Variants in TBC1D8B observed in about 807,000 individuals in gnomAD.
The protein encoded by TBC1D8B is RP11-321G1.1.
A neutral mutation model predicts 82.9 loss-of-function variants in TBC1D8B; 75 were observed. The ratio of observed to expected loss-of-function variants is 0.90; its 90% CI spans 0.75 to 1.10. The LOEUF is 1.10. TBC1D8B is among the 50% of genes least tolerant of loss of function. The probability of loss-of-function intolerance (pLI) is 0.00; values close to 1 mark genes in which losing one functional copy is unlikely to be tolerated. For synonymous variants in TBC1D8B, 276 were observed against 276.8 expected (o/e 1.00, Z 0.03); for missense variants, 794 against 796.9 (o/e 1.00, Z 0.04).
In TBC1D8B at chrX:106,822,305, G is replaced by T; in HGVS notation, c.586+103G>T. On this transcript the variant is annotated intron_variant, in intron 4 of 20. Transcript: ENST00000357242. ...TAAAATAATAGGATTGATATTAAAG[G>T]TAATTAAACTGTACAATAAAAAGTT... The T allele has an allele frequency of 4.6e-6, 3 of 645,808 alleles. 1 individual carries two copies. The allele number at this position is 645,808 out of a possible 1,213,427, so 53.2% of individuals were successfully genotyped here.
rs138429712 is a variant in TBC1D8B at position 106,802,916 on chromosome X, G to A, written c.63G>A (p.Arg21=). The change falls in exon 1 of 21, where the codon AGG becomes AGA. Residue 21 remains arginine (R), a synonymous_variant. Coordinates refer to ENST00000357242, the MANE Select transcript of TBC1D8B (RefSeq NM_017752.3). ...CGCTGAAGCTGTGGCTGATGGAAAG[G>A]TCCAACGACTACTTCGTGCTGCAGC... ...KNALKLWLME[R]SNDYFVLQRR... 1.7e-6 allele frequency: 2 copies of A among 1,211,536 alleles called. No individual in the cohort carries two copies. The highest frequency in any genetic ancestry group is 5.9e-5 in the East Asian group (2 of 33,819).
chrX:106,873,689 T>G lies in TBC1D8B; in HGVS notation c.3087T>G (p.Val1029=), dbSNP rs764924990. The G allele has an allele frequency of 2.5e-6, 3 of 1,210,057 alleles. No homozygotes were observed. Among genetic ancestry groups the G allele is most frequent in the Admixed American group, 2.2e-5 (1 of 45,769 alleles). ...VTSLLLRMEE[V]GRKLHSPTSS... Reference sequence around the variant, plus strand: ...GCCTTTTACTCAGGATGGAAGAAGTTGGAAGGAAACTACATAGCCCTACAT... The same window carrying G: ...GCCTTTTACTCAGGATGGAAGAAGTGGGAAGGAAACTACATAGCCCTACAT... Residue 1029 remains valine, a synonymous_variant, in exon 21 of 21, where the codon GTT becomes GTG. Coordinates refer to ENST00000357242, the MANE Select transcript of TBC1D8B (RefSeq NM_017752.3).
intron 18 of TBC1D8B, 40 bp from the exon 19 acceptor site, chrX:106,869,445 T>G: frequency 1.8e-6 from 2 of 1,141,156 alleles, no homozygotes. Flanking sequence ...AGAGTATTTG[T>G]TAAACATCTT....
intron 1 of TBC1D8B, among the ~76,000 whole-genome samples, chrX:106,812,111 A>T (rs1602404815): frequency 9.0e-6 from 1 of 111,578 alleles, no homozygotes; most frequent in African/African-American, 3.3e-5. Context: ...CTCTTAATAT[A>T]AAGTTGGCAG....
At chrX:106,828,081 A>G (rs1406064773) in intron 7 of TBC1D8B, 1 of 111,763 alleles carries the variant, frequency 8.9e-6, no homozygotes, top group Non-Finnish European at 1.9e-5. Context: ...AGAATCAAAT[A>G]CACGCAATAA....
At chrX:106,841,273 C>A (rs1228895565) in intron 10 of TBC1D8B, among the ~76,000 whole-genome samples, 2 of 111,245 alleles carry the variant, frequency 1.8e-5, no homozygotes, top group Admixed American at 1.9e-4. Flanking sequence ...TGATTTATAA[C>A]AAGGAGAAAC....
chrX:106,851,155 C>T (rs1932577705), intron 12 of TBC1D8B, among the ~76,000 whole-genome samples: 2 of 112,116 alleles, frequency 1.8e-5, no homozygotes, highest in Admixed American at 9.4e-5. Flanking sequence ...TTTCGGAGGC[C>T]GAGGCAGGTG....
chrX:106,868,616 T>G, intron 18 of TBC1D8B, 140 bp downstream of exon 18: 1 of 333,011 alleles, frequency 3.0e-6, no homozygotes, highest in Non-Finnish European at 5.0e-6. Flanking sequence ...GCACTTAGCA[T>G]GGTCCATAAA....
intron 7 of TBC1D8B, among the ~76,000 whole-genome samples, chrX:106,835,709 G>C (rs1267458495): frequency 9.0e-6 from 1 of 111,464 alleles, no homozygotes; most frequent in African/African-American, 3.3e-5. Flanking sequence ...AGATCTCTAG[G>C]GCAGGAGCAA....
intron 1 of TBC1D8B, among the ~76,000 whole-genome samples, chrX:106,812,834 T>TTTTA (rs1931417640): frequency 9.0e-6 from 1 of 111,473 alleles, no homozygotes; most frequent in African/African-American, 3.3e-5. Context: ...GACCTTTTAT[T>TTTTA]TTTATTTATT....
chrX:106,832,961 C>A (rs1439772999), intron 7 of TBC1D8B, among the ~76,000 whole-genome samples: 1 of 110,521 alleles, frequency 9.0e-6, no homozygotes, highest in Non-Finnish European at 1.9e-5. Context: ...AGTTGGGAAA[C>A]CAGAAACTAT....
chrX:106,823,593 GGT>G, intron 5 of TBC1D8B, 127 bp downstream of exon 5: 90 of 704,189 alleles, frequency 1.3e-4, no homozygotes, highest in Non-Finnish European at 1.5e-4. Flanking sequence ...GTTGATTGTG[GGT>G]GTGTGTGTGT....
chrX:106,818,692 T>C lies in TBC1D8B; in HGVS notation c.160T>C (p.Leu54=). The C allele has an allele frequency of 1.7e-6, 2 of 1,208,601 alleles. No homozygotes were observed. The highest frequency in any genetic ancestry group is 2.2e-6 in the Non-Finnish European group (2 of 893,576). ...TCTGGTTGGGACTCTTGATTCAGTCTTGGACTCTACTGCTAAAGTAGCTCC... is the reference window on the plus strand; with the variant it reads ...TCTGGTTGGGACTCTTGATTCAGTCCTGGACTCTACTGCTAAAGTAGCTCC... ...GLLVGTLDSV[L]DSTAKVAPFR... Residue 54 remains leucine, a synonymous_variant, in exon 2 of 21, where the codon TTG becomes CTG. Transcript: ENST00000357242.
intron 1 of TBC1D8B, among the ~76,000 whole-genome samples, chrX:106,808,016 G>T (rs1369836940): frequency 9.1e-6 from 1 of 110,420 alleles, no homozygotes; most frequent in Non-Finnish European, 1.9e-5. Context: ...TCGCACTGTT[G>T]TACTCCAGCC....
In TBC1D8B at chrX:106,866,042, A is replaced by AT; in HGVS notation, c.2662+16dup. On this transcript the variant is annotated intron_variant, in intron 16 of 20. Transcript: ENST00000357242. ...ATTCTCCTCTGCAATTGGTAAGATG[A>AT]TTTTTTTAAGCAAAAAAAAAAGGTG... 8.4e-7 allele frequency: 1 copy of AT among 1,184,699 alleles called. No individual in the cohort carries two copies. Among genetic ancestry groups the AT allele is most frequent in the Admixed American group, 2.4e-5 (1 of 40,829 alleles).
chrX:106,818,242 C>T (rs774442701), intron 1 of TBC1D8B, among the ~76,000 whole-genome samples: 2 of 111,126 alleles, frequency 1.8e-5, no homozygotes, highest in Admixed American at 9.6e-5. Context: ...TCTGTTTTAA[C>T]CTTATTTTAC....
chrX:106,823,549 C>T, intron 5 of TBC1D8B, 83 bp downstream of exon 5: 1 of 1,061,742 alleles, frequency 9.4e-7, no homozygotes, highest in East Asian at 3.1e-5. Flanking sequence ...TAAAAGTTAA[C>T]TCTTCTATAT....
chrX:106,856,187 A>G (rs1270154781), intron 14 of TBC1D8B, among the ~76,000 whole-genome samples: 1 of 111,775 alleles, frequency 8.9e-6, no homozygotes, highest in African/African-American at 3.2e-5. Context: ...TTATTTTTCT[A>G]TGAGATTGTC....
At chrX:106,818,458 G>T (rs762084764) in intron 1 of TBC1D8B, 197 of 312,190 alleles carry the variant, frequency 6.3e-4, no homozygotes, top group Non-Finnish European at 3.2e-4. Flanking sequence ...TTTATTGAAA[G>T]ATAATTTTCT....
Sources: allele counts gnomAD v4.1 joint callset (sites outside exome capture counted in the v4.1 genomes callset), GRCh38; gene constraint gnomAD v4.1.1; transcripts MANE v1.5; gene names NCBI Gene and HGNC (gene_info 2026-07-23, HGNC 2026-07-21).